UVRAG: variants seen among roughly 807,000 people sequenced by gnomAD.
UVRAG encodes UV radiation resistance-associated gene protein.
A neutral mutation model predicts 78.0 loss-of-function variants in UVRAG; 19 were observed. That is an observed-to-expected ratio of 0.24 (90% CI 0.17 to 0.36). The LOEUF (loss-of-function observed/expected upper bound fraction) is 0.36, where lower values mean the gene tolerates loss of function less well. UVRAG is among the 10% of genes least tolerant of loss of function. The pLI is 1.00. For missense variants in UVRAG, 740 were observed against 853.8 expected (o/e 0.87, Z 1.66); for synonymous variants, 323 against 324.6 (o/e 1.00, Z 0.05).
intron 14 of UVRAG, among the ~76,000 whole-genome samples, chr11:76,122,359 C>T (rs901990627): frequency 1.3e-5 from 2 of 152,076 alleles, no homozygotes; most frequent in Non-Finnish European, 2.9e-5. Flanking sequence ...AAGACTAGGA[C>T]TATGAATTTG....
intron 14 of UVRAG, among the ~76,000 whole-genome samples, chr11:76,117,833 G>A (rs1952210480): frequency 6.6e-6 from 1 of 152,224 alleles, no homozygotes; most frequent in Non-Finnish European, 1.5e-5. Flanking sequence ...TCCTCTGAGA[G>A]AGTGAGAGGA....
intron 11 of UVRAG, among the ~76,000 whole-genome samples, chr11:76,014,875 G>A (rs947134993): frequency 2.0e-5 from 3 of 152,174 alleles, no homozygotes; most frequent in Non-Finnish European, 2.9e-5. Flanking sequence ...TCTGATGTAC[G>A]GGTTTCAGCA....
chr11:76,122,674 G>A (rs1328568574), intron 14 of UVRAG, among the ~76,000 whole-genome samples: 1 of 152,088 alleles, frequency 6.6e-6, no homozygotes, highest in African/African-American at 2.4e-5. Context: ...TATGGCTCTT[G>A]TTCATATTTT....
chr11:76,030,627 T>G (rs1181903810), intron 12 of UVRAG, among the ~76,000 whole-genome samples: 2 of 152,214 alleles, frequency 1.3e-5, no homozygotes, highest in East Asian at 1.9e-4. Context: ...AACAATTGGT[T>G]GTTTTCCAAA....
At chr11:75,894,557 T>C (rs1947297286) in intron 5 of UVRAG, among the ~76,000 whole-genome samples, 1 of 151,940 alleles carries the variant, frequency 6.6e-6, no homozygotes, top group Non-Finnish European at 1.5e-5. Context: ...TAAGGATACC[T>C]AGTAAAGGCT....
chr11:75,981,584 G>A (rs1949395080), intron 7 of UVRAG, among the ~76,000 whole-genome samples: 2 of 151,972 alleles, frequency 1.3e-5, no homozygotes, highest in Non-Finnish European at 2.9e-5. Flanking sequence ...TGAGTCGTTG[G>A]GATTACAGGC....
At position 75,926,064 on chromosome 11, in the gene UVRAG, A is replaced by G. The variant is rs1948096022; in HGVS notation, c.593+14025A>G. Among the ~76,000 whole-genome samples the G allele has an allele frequency of 3.9e-5, 6 of 152,066 alleles. No homozygotes were observed. The South Asian group carries it at 8.3e-4, about 21-fold the overall frequency. On this transcript the variant is annotated intron_variant, in intron 6 of 14. Coordinates refer to ENST00000356136, the MANE Select transcript of UVRAG (RefSeq NM_003369.4). ...GTTTTTTTTTTTTGATGATACACCA[A>G]CATAAAATGAGCCAGGAATTACTTA... is the stretch of plus-strand genomic sequence containing the variant.
At chr11:76,126,647 G>C (rs77830219) in intron 14 of UVRAG, among the ~76,000 whole-genome samples, 7,098 of 152,162 alleles carry the variant, frequency 0.047, 565 homozygotes, top group African/African-American at 0.16. Flanking sequence ...TGAGGTAGTT[G>C]TGTTTTTCTC....
At chr11:75,955,065 G>A (rs1384323959) in intron 6 of UVRAG, among the ~76,000 whole-genome samples, 1 of 152,182 alleles carries the variant, frequency 6.6e-6, no homozygotes, top group African/African-American at 2.4e-5. Flanking sequence ...AGAGAAGATG[G>A]TGCAAGGTAA....
intron 1 of UVRAG, among the ~76,000 whole-genome samples, chr11:75,828,811 T>G (rs1945592516): frequency 7.2e-6 from 1 of 138,322 alleles, no homozygotes; most frequent in Non-Finnish European, 1.6e-5. Context: ...ATATATTTTT[T>G]TTTTTTTGTA....
Position 76,020,118 on chromosome 11 carries a change from T to G in UVRAG, c.1226+3138T>G, listed in dbSNP as rs182884439. On this transcript the variant is annotated intron_variant, in intron 12 of 14. Transcript: ENST00000356136. ...TTCTCTTCACTTGGCCACCATCACCTAGACCCACGGTGGGTACTGTCAGGC... is the reference window on the plus strand; with the variant it reads ...TTCTCTTCACTTGGCCACCATCACCGAGACCCACGGTGGGTACTGTCAGGC... 3.0e-4 allele frequency among the ~76,000 whole-genome samples: 45 copies of G among 152,322 alleles called. 1 individual carries two copies. The East Asian group carries it at 8.5e-3, about 29-fold the overall frequency.
chr11:75,865,024 A>G (rs1369271928), intron 3 of UVRAG, among the ~76,000 whole-genome samples: 1 of 152,208 alleles, frequency 6.6e-6, no homozygotes, highest in Non-Finnish European at 1.5e-5. Flanking sequence ...GTGGTGGCCT[A>G]CGCCTGTAAT....
intron 11 of UVRAG, among the ~76,000 whole-genome samples, chr11:76,011,934 A>G (rs1046166117): frequency 6.6e-5 from 10 of 152,252 alleles, no homozygotes; most frequent in Non-Finnish European, 1.5e-4. Context: ...GAAAACTTTT[A>G]TAGAGAAGAT....
In UVRAG at chr11:76,072,632, C is replaced by G. The variant is rs537178293; in HGVS notation, c.1305+6844C>G. ...AAATGTATAGTTCTTAACCACAACT[C>G]ACACCATACTGTGAATATATTTTTA... On this transcript the variant is annotated intron_variant, in intron 13 of 14. Transcript: ENST00000356136. Among the ~76,000 whole-genome samples, 52 of 152,316 alleles carry G rather than the reference C, an allele frequency of 3.4e-4. No homozygotes were observed. The South Asian group carries it at 7.2e-3, about 21-fold the overall frequency.
chr11:75,851,778 A>G (rs1946156923), intron 1 of UVRAG, 105 bp from the exon 2 acceptor site: 3 of 846,074 alleles, frequency 3.5e-6, no homozygotes, highest in Admixed American at 2.2e-5. Context: ...CAATAAATAA[A>G]TGACTGAGAC....
chr11:76,007,440 A>G (rs1297336841), intron 9 of UVRAG, 94 bp from the exon 10 acceptor site: 8 of 986,356 alleles, frequency 8.1e-6, no homozygotes, highest in Non-Finnish European at 1.2e-5. Context: ...TACAGACAGT[A>G]TAATCTTTCT....
At position 76,140,913 on chromosome 11, in the gene UVRAG, G is replaced by A. The variant is rs1258646909; in HGVS notation, c.1600G>A (p.Val534Ile). 1.1e-5 allele frequency: 17 copies of A among 1,613,936 alleles called. No individual in the cohort carries two copies. The highest frequency in any genetic ancestry group is 1.7e-5 in the Admixed American group (1 of 59,986). ...AGCATTAGCCCAGCCTGTGACCACC[G>A]TCCCCTCCATGGGAGAGACCGAGAG... The part of the protein sequence containing the change: ...NSALAQPVTT[V>I]PSMGETERKI... The change falls in exon 15 of 15, where the codon GTC becomes ATC. Residue 534 changes from valine to isoleucine, a missense_variant. Physicochemically the swap from Val to Ile is conservative, Grantham distance 29. Transcript: ENST00000356136.
At chr11:76,100,512 A>G (rs186199677) in intron 13 of UVRAG, among the ~76,000 whole-genome samples, 2 of 152,212 alleles carry the variant, frequency 1.3e-5, no homozygotes, top group East Asian at 1.9e-4. Context: ...ATTCTCTCCT[A>G]ATATCTTCAG....
At chr11:75,874,035 T>G (rs1946708811) in intron 3 of UVRAG, among the ~76,000 whole-genome samples, 1 of 152,200 alleles carries the variant, frequency 6.6e-6, no homozygotes, top group African/African-American at 2.4e-5. Flanking sequence ...TTTAGTCGTT[T>G]GTTTTGTCTC....
Sources: gnomAD v4.1 joint callset for allele counts (sites outside exome capture counted in the v4.1 genomes callset) on GRCh38, gnomAD v4.1.1 for gene constraint, MANE v1.5 for transcripts, NCBI Gene and HGNC (gene_info 2026-07-23, HGNC 2026-07-21) for gene names.